The following ZMIZ1 variants were observed in gnomAD, a reference collection of about 807,000 sequenced individuals.
The protein encoded by ZMIZ1 is zinc finger MIZ domain-containing protein 1.
Under a neutral mutation model 113.9 loss-of-function variants are expected in ZMIZ1, and 17 were observed. The ratio of observed to expected loss-of-function variants is 0.15; its 90% CI spans 0.10 to 0.22. The LOEUF (loss-of-function observed/expected upper bound fraction) is 0.22, where lower values mean the gene tolerates loss of function less well. Among genes scored for constraint, ZMIZ1 ranks in the 10% least tolerant of loss-of-function variants. The pLI, the probability that ZMIZ1 is intolerant of heterozygous loss-of-function variation, is 1.00. For missense variants in ZMIZ1, 1,059 were observed against 1,477.8 expected, an observed-to-expected ratio of 0.72 and a Z score of 4.65; for synonymous variants, 607 against 603.1, an observed-to-expected ratio of 1.01 and a Z score of -0.09.
intron 5 of ZMIZ1, among the ~76,000 whole-genome samples, chr10:79,206,558 C>T (rs980051490): frequency 6.6e-6 from 1 of 152,230 alleles, no homozygotes; most frequent in Non-Finnish European, 1.5e-5. Flanking sequence ...GCTGCCCTCT[C>T]AAAGGGCTTG....
rs201223115 is a variant in ZMIZ1 at position 79,084,281 on chromosome 10, A to G, written c.-337+15011A>G. Among the ~76,000 whole-genome samples the G allele has an allele frequency of 2.6e-5, 4 of 152,142 alleles. No individual in the cohort carries two copies. In the East Asian group the frequency reaches 7.7e-4, roughly 29 times the overall value. On this transcript the variant is annotated intron_variant, in intron 1 of 24. Transcript: ENST00000334512. ...TCCTCTCCCTCCCACACTCTATTGCAAGGGATCAACTGCGTGGGGCTGGGT... is the reference window on the plus strand; with the variant it reads ...TCCTCTCCCTCCCACACTCTATTGCGAGGGATCAACTGCGTGGGGCTGGGT...
intron 4 of ZMIZ1, among the ~76,000 whole-genome samples, chr10:79,164,043 TGAG>T (rs1589363116): frequency 6.7e-6 from 1 of 149,632 alleles, no homozygotes; most frequent in African/African-American, 2.5e-5. Flanking sequence ...AAAAAAAAAA[TGAG>T]GAAGAGAAAG....
chr10:79,170,732 C>G (rs1017754560), intron 4 of ZMIZ1, among the ~76,000 whole-genome samples: 2 of 152,204 alleles, frequency 1.3e-5, no homozygotes, highest in African/African-American at 4.8e-5. Flanking sequence ...CCGCAGAGCC[C>G]TCCCTGTCTT....
At chr10:79,145,852 G>GC (rs1845459160) in intron 3 of ZMIZ1, among the ~76,000 whole-genome samples, 1 of 152,166 alleles carries the variant, frequency 6.6e-6, no homozygotes, top group Non-Finnish European at 1.5e-5. Context: ...GACTATAGAT[G>GC]CATTCCAGCA....
Position 79,138,484 on chromosome 10 carries a change from G to A in ZMIZ1, c.-226-1198G>A, listed in dbSNP as rs1041731030. Reference sequence around the variant, plus strand: ...GGACACCCCGTCCCCAAGATGCTTCGTGCCCATCCCACCTAGATCCTCCCA... The same window carrying A: ...GGACACCCCGTCCCCAAGATGCTTCATGCCCATCCCACCTAGATCCTCCCA... On this transcript the variant is annotated intron_variant, in intron 2 of 24. Transcript: ENST00000334512. 2.4e-4 allele frequency among the ~76,000 whole-genome samples: 37 copies of A among 152,272 alleles called. 1 individual carries two copies. Among genetic ancestry groups the A allele is most frequent in the Admixed American group, 1.4e-3 (21 of 15,296 alleles).
chr10:79,235,357 G>A (rs1481555831), intron 7 of ZMIZ1, among the ~76,000 whole-genome samples: 1 of 152,182 alleles, frequency 6.6e-6, no homozygotes, highest in African/African-American at 2.4e-5. Flanking sequence ...CATGGGCTTG[G>A]GAGGTTCCTA....
chr10:79,071,827 C>T (rs576146690), intron 1 of ZMIZ1, among the ~76,000 whole-genome samples: 1 of 152,268 alleles, frequency 6.6e-6, no homozygotes, highest in African/African-American at 2.4e-5. Context: ...TTCTTCTGAG[C>T]TTTATGATTT....
intron 16 of ZMIZ1, 25 bp from the exon 17 acceptor site, chr10:79,300,707 C>G (rs769576261): frequency 2.4e-5 from 39 of 1,609,548 alleles, no homozygotes; most frequent in Non-Finnish European, 2.8e-5. Context: ...CAGAGCTGCC[C>G]TGAGCACCCT....
intron 19 of ZMIZ1, 92 bp downstream of exon 19, chr10:79,304,267 T>C (rs999590186): frequency 6.7e-7 from 1 of 1,493,342 alleles, no homozygotes; most frequent in African/African-American, 1.4e-5. Flanking sequence ...GAGCCTGTCC[T>C]AACACTGTCC....
intron 7 of ZMIZ1, among the ~76,000 whole-genome samples, chr10:79,221,448 C>T (rs980737574): frequency 6.6e-6 from 1 of 152,230 alleles, no homozygotes; most frequent in South Asian, 2.1e-4. Flanking sequence ...TCCTCCTCCT[C>T]ACCAGGCCCC....
chr10:79,169,502 A>C (rs1846514207), intron 4 of ZMIZ1, among the ~76,000 whole-genome samples: 1 of 152,258 alleles, frequency 6.6e-6, no homozygotes. Context: ...GCCTGTCCAC[A>C]GCCACAGCTC....
rs1289792162 is a variant in ZMIZ1 at position 79,245,356 on chromosome 10, T to G, written c.280+29082T>G. Among the ~76,000 whole-genome samples the G allele has an allele frequency of 2.0e-5, 3 of 152,168 alleles. No individual in the cohort carries two copies. In the South Asian group the frequency reaches 6.2e-4, roughly 32 times the overall value. On this transcript the variant is annotated intron_variant, in intron 7 of 24. Coordinates refer to ENST00000334512, the MANE Select transcript of ZMIZ1 (RefSeq NM_020338.4). ...GCCTGGCTCCAACAGGAGCAAGACC[T>G]TGATGCCAGTGGGCTCCCTGAAGGC...
At chr10:79,209,324 A>C (rs1337368985) in intron 6 of ZMIZ1, among the ~76,000 whole-genome samples, 4 of 152,228 alleles carry the variant, frequency 2.6e-5, no homozygotes, top group African/African-American at 9.6e-5. Context: ...GGCAGAGGCC[A>C]GGTCCAGAGT....
At chr10:79,244,541 T>C (rs1258069333) in intron 7 of ZMIZ1, among the ~76,000 whole-genome samples, 1 of 152,178 alleles carries the variant, frequency 6.6e-6, no homozygotes, top group African/African-American at 2.4e-5. Flanking sequence ...GGCACTTCTT[T>C]AGACGGGTTT....
intron 1 of ZMIZ1, among the ~76,000 whole-genome samples, chr10:79,114,502 TGTGC>T (rs1554852488): frequency 0.016 from 1,162 of 73,420 alleles, 17 homozygotes; most frequent in African/African-American, 0.054. Context: ...TGCGTGTGTG[TGTGC>T]GTGTGTGTGT....
rs565005782 is a variant in ZMIZ1 at position 79,201,445 on chromosome 10, G to T, written c.-49-139G>T. On this transcript the variant is annotated intron_variant, in intron 4 of 24. Transcript: ENST00000334512. Reference sequence around the variant, plus strand: ...CATTTCCTGCCCTCAGCCCAGTGGGGTACCCCAGGTGCAGCCCCACAGGGC... The same window carrying T: ...CATTTCCTGCCCTCAGCCCAGTGGGTTACCCCAGGTGCAGCCCCACAGGGC... 18 of 654,274 alleles carry T rather than the reference G, an allele frequency of 2.8e-5. No individual in the cohort carries two copies. In the East Asian group the frequency reaches 4.7e-4, roughly 17 times the overall value. 40.5% of individuals were successfully genotyped at this position (654,274 alleles called of 1,614,324 possible).
intron 1 of ZMIZ1, among the ~76,000 whole-genome samples, chr10:79,114,099 G>C (rs968936821): frequency 6.6e-6 from 1 of 152,232 alleles, no homozygotes; most frequent in Non-Finnish European, 1.5e-5. Flanking sequence ...GCTGGGGACT[G>C]GGGTGGCCCC....
chr10:79,226,985 C>T (rs571481215), intron 7 of ZMIZ1, among the ~76,000 whole-genome samples: 1 of 152,300 alleles, frequency 6.6e-6, no homozygotes, highest in African/African-American at 2.4e-5. Context: ...CTCACTTATC[C>T]CACATGGTGA....
intron 1 of ZMIZ1, among the ~76,000 whole-genome samples, chr10:79,080,087 CTG>C (rs1842607170): frequency 6.6e-6 from 1 of 152,168 alleles, no homozygotes; most frequent in East Asian, 1.9e-4. Context: ...GCCGGCCACT[CTG>C]TAATTGTGCA....
Sources: allele counts gnomAD v4.1 joint callset (sites outside exome capture counted in the v4.1 genomes callset), GRCh38; gene constraint gnomAD v4.1.1; transcripts MANE v1.5; gene names NCBI Gene and HGNC (gene_info 2026-07-23, HGNC 2026-07-21).